The following SAMD9L variants were observed in gnomAD, a reference collection of about 807,000 sequenced individuals.
The protein encoded by SAMD9L is sterile alpha motif domain-containing protein 9-like.
Under a neutral mutation model 90.7 loss-of-function variants are expected in SAMD9L, and 68 were observed. The observed-to-expected ratio is 0.75, with a 90% confidence interval of 0.62 to 0.92. The LOEUF is 0.92. Among genes scored for constraint, SAMD9L ranks in the 40% least tolerant of loss-of-function variants. The pLI is 0.00. For synonymous variants in SAMD9L, 640 were observed against 630.1 expected (o/e 1.02, Z -0.23); for missense variants, 1,604 against 1,824.3 (o/e 0.88, Z 2.20).
rs1442794855 is a variant in SAMD9L, at chr7:93,133,927, G to C, written c.2045C>G (p.Ser682Ter). 6.2e-7 allele frequency: 1 copy of C among 1,613,684 alleles called. No individual in the cohort carries two copies. The highest frequency in any genetic ancestry group is 1.3e-5 in the African/African-American group (1 of 75,002). ...ACCTCGATAAAAGTGTTCTTCTTTT[G>C]ATTTCTTAAACTCCAGGAATTTAGA... ...DKSKFLEFKKSKEEHFYRGGK... is the reference protein window; with the variant it reads ...DKSKFLEFKK Residue 682 changes from serine (S) to a stop codon, truncating the protein, a stop_gained, in exon 5 of 5, where the codon TCA becomes TGA. Transcript: ENST00000318238. LOFTEE classifies it high-confidence loss of function.
chr7:93,133,237 T>C lies in SAMD9L; in HGVS notation c.2735A>G (p.Gln912Arg). ...ENVVRNILKG[Q>R]DVDSKEAQLI... ...TTGTGCTTCCTTGCTGTCAACATCC[T>C]GTCCTTTTAGGATATTCCTGACTAC... The change falls in exon 5 of 5, where the codon CAG (glutamine) becomes CGG (arginine). Residue 912 changes from glutamine (Q) to arginine (R), a missense_variant. Gln to Arg is a conservative substitution (Grantham distance 43). Coordinates refer to ENST00000318238, the MANE Select transcript of SAMD9L (RefSeq NM_152703.5). 1 of 1,613,328 alleles carries C rather than the reference T, an allele frequency of 6.2e-7. No individual in the cohort carries two copies. The highest frequency in any genetic ancestry group is 8.5e-7 in the Non-Finnish European group (1 of 1,179,672).
intron 4 of SAMD9L, 78 bp downstream of exon 4, chr7:93,144,654 A>C (rs892046157): frequency 6.6e-6 from 1 of 152,158 alleles, no homozygotes; most frequent in South Asian, 2.1e-4. Context: ...AGCAGGAAGG[A>C]TCAAACTGGC....
In SAMD9L at chr7:93,135,802, T is replaced by C. The variant is rs759574186; in HGVS notation, c.170A>G (p.Glu57Gly). ...LQELTEKDLV[E>G]MGLPWGPALL... ...TGCTGGACCCCATGGTAGCCCCATTTCTACAAGGTCCTTCTCAGTTAATTC... is the reference window on the plus strand; with the variant it reads ...TGCTGGACCCCATGGTAGCCCCATTCCTACAAGGTCCTTCTCAGTTAATTC... Residue 57 changes from glutamate to glycine, a missense_variant, in exon 5 of 5, where the codon GAA becomes GGA. Glu to Gly is a moderately conservative substitution (Grantham distance 98). Transcript: ENST00000318238. 3.7e-6 allele frequency: 6 copies of C among 1,614,044 alleles called. No individual in the cohort carries two copies. The highest frequency in any genetic ancestry group is 2.5e-6 in the Non-Finnish European group (3 of 1,179,952).
rs1476877766 is a variant in SAMD9L at position 93,133,441 on chromosome 7, T to C, written c.2531A>G (p.Asn844Ser). The change falls in exon 5 of 5, where the codon AAT becomes AGT. Residue 844 changes from asparagine (N) to serine (S), a missense_variant. This residue lies in a region of SAMD9L where 606 missense variants were observed against 717.6 expected (regional missense o/e 0.84). Coordinates refer to ENST00000318238, the MANE Select transcript of SAMD9L (RefSeq NM_152703.5). ...TGCCAATTTTGCACTTTCATCTGGA[T>C]TCCGGGATCTCATGCAGTTTAAGAT... The part of the protein sequence containing the change: ...VIILNCMRSR[N>S]PDESAKLADS... 6.2e-7 allele frequency: 1 copy of C among 1,613,212 alleles called. No individual in the cohort carries two copies.
intron 4 of SAMD9L, among the ~76,000 whole-genome samples, chr7:93,143,629 A>C (rs1410914726): frequency 6.6e-6 from 1 of 152,224 alleles, no homozygotes; most frequent in Admixed American, 6.5e-5. Flanking sequence ...CTGTTACTAC[A>C]TCATGTGTTA....
At position 93,131,747 on chromosome 7, in the gene SAMD9L, G is replaced by GT. The variant is rs759143613; in HGVS notation, c.4224dup (p.Gln1409ThrfsTer49). ...ACAAATTGCAAGACCTCTCGGAGTT[G>GT]TTTTTTTAGCGTGGTAAGTGGTTGA... On this transcript the variant is annotated frameshift_variant, in exon 5 of 5. Coordinates refer to ENST00000318238, the MANE Select transcript of SAMD9L (RefSeq NM_152703.5). LOFTEE classifies it high-confidence loss of function. The GT allele has an allele frequency of 7.4e-6, 12 of 1,613,698 alleles. No homozygotes were observed. The highest frequency in any genetic ancestry group is 2.2e-5 in the East Asian group (1 of 44,892).
At chr7:93,146,740 G>A (rs954710036) in intron 2 of SAMD9L, 143 bp downstream of exon 2, 3 of 152,164 alleles carry the variant, frequency 2.0e-5, no homozygotes, top group African/African-American at 4.8e-5. Context: ...TGTGCTACCC[G>A]TTAGGCCAGA....
Position 93,134,442 on chromosome 7 carries a change from T to C in SAMD9L, c.1530A>G (p.Lys510=). The change falls in exon 5 of 5, where the codon AAA becomes AAG. Residue 510 remains lysine, a synonymous_variant. Coordinates refer to ENST00000318238, the MANE Select transcript of SAMD9L (RefSeq NM_152703.5). Reference sequence around the variant, plus strand: ...TCTGCCATAAATGTGGTTCTAGAGGTTTATATGTCTCGCTTTTCAGGTCTG... The same window carrying C: ...TCTGCCATAAATGTGGTTCTAGAGGCTTATATGTCTCGCTTTTCAGGTCTG... The part of the protein sequence containing the change: ...GRSDLKSETY[K]PLEPHLWQRE... 1 of 1,613,914 alleles carries C rather than the reference T, an allele frequency of 6.2e-7. No individual in the cohort carries two copies. Among genetic ancestry groups the C allele is most frequent in the African/African-American group, 1.3e-5 (1 of 75,008 alleles).
intron 4 of SAMD9L, among the ~76,000 whole-genome samples, chr7:93,138,906 A>G (rs1306020358): frequency 6.6e-6 from 1 of 152,218 alleles, no homozygotes; most frequent in Non-Finnish European, 1.5e-5. Context: ...TATAAAACCA[A>G]TAGTATAAGC....
rs190393069 is a variant in SAMD9L, at chr7:93,131,578, C to T, written c.4394G>A (p.Arg1465His). The change falls in exon 5 of 5, where the codon CGC (arginine) becomes CAC (histidine). Residue 1465 changes from arginine (R) to histidine (H), a missense_variant. This residue lies in a region of SAMD9L where 282 missense variants were observed against 329.6 expected (regional missense o/e 0.86). Coordinates refer to ENST00000318238, the MANE Select transcript of SAMD9L (RefSeq NM_152703.5). Reference protein sequence around the residue: ...LNRSFRGQYKRMCRSKQASTL... With the variant: ...LNRSFRGQYKHMCRSKQASTL... ...GCTTGCCTGCTTGGACCTGCACATG[C>T]GCTTGTACTGTCCCCTGAAGGATCT... 1,093 of 1,613,896 alleles carry T rather than the reference C, an allele frequency of 6.8e-4. 23 individuals are homozygous for T. The South Asian group carries it at 0.011, about 16-fold the overall frequency.
At position 93,131,861 on chromosome 7, in the gene SAMD9L, T is replaced by C; in HGVS notation, c.4111A>G (p.Asn1371Asp). 1 of 1,612,010 alleles carries C rather than the reference T, an allele frequency of 6.2e-7. No individual in the cohort carries two copies. The highest frequency in any genetic ancestry group is 8.5e-7 in the Non-Finnish European group (1 of 1,179,868). Residue 1371 changes from asparagine (N) to aspartate (D), a missense_variant, in exon 5 of 5, where the codon AAC becomes GAC. Coordinates refer to ENST00000318238, the MANE Select transcript of SAMD9L (RefSeq NM_152703.5). ...VNEYAFLLQQ[N>D]SKKPMTNEKQ... ...TCATTTGTCATGGGCTTTTTTGAGT[T>C]TTGCTGCAGTAGGAAGGCATATTCA...
chr7:93,132,060 T>C lies in SAMD9L; in HGVS notation c.3912A>G (p.Thr1304=). 1 of 1,613,746 alleles carries C rather than the reference T, an allele frequency of 6.2e-7. No homozygotes were observed. Among genetic ancestry groups the C allele is most frequent in the Admixed American group, 1.7e-5 (1 of 59,906 alleles). The change falls in exon 5 of 5, where the codon ACA becomes ACG. Residue 1304 remains threonine (T), a synonymous_variant. Transcript: ENST00000318238. ...ATGGATCCAAATGACAGAAAAGTTCTGTGTATTTCCTGAAACAACGACTGA... is the reference window on the plus strand; with the variant it reads ...ATGGATCCAAATGACAGAAAAGTTCCGTGTATTTCCTGAAACAACGACTGA... ...KKVSRCFRKY[T]ELFCHLDPCL... is the part of the protein sequence containing the mutation.
rs1792966439 is a variant in SAMD9L, at chr7:93,148,182, C to G, written c.-1043+12G>C. The G allele has an allele frequency of 6.6e-6, 1 of 152,136 alleles. No homozygotes were observed. Among genetic ancestry groups the G allele is most frequent in the South Asian group, 2.1e-4 (1 of 4,830 alleles). The allele number at this position is 152,136 out of a possible 1,614,324, so 9.4% of individuals were successfully genotyped here. The stretch of plus-strand genomic sequence containing the variant: ...CATAACAAATAAAGGTTTAATGATT[C>G]AGTTTACTTACCAGGATTTTCCTGA... On this transcript the variant is annotated intron_variant, in intron 1 of 4. Coordinates refer to ENST00000318238, the MANE Select transcript of SAMD9L (RefSeq NM_152703.5).
chr7:93,134,012 T>C lies in SAMD9L; in HGVS notation c.1960A>G (p.Thr654Ala). 1 of 1,613,794 alleles carries C rather than the reference T, an allele frequency of 6.2e-7. No individual in the cohort carries two copies. The highest frequency in any genetic ancestry group is 8.5e-7 in the Non-Finnish European group (1 of 1,179,878). The change falls in exon 5 of 5, where the codon ACT becomes GCT. Residue 654 changes from threonine (T) to alanine (A), a missense_variant. Coordinates refer to ENST00000318238, the MANE Select transcript of SAMD9L (RefSeq NM_152703.5). ...TTTTCACAGAGGATTTCCAGTGCAG[T>C]CAAGACATCCTCTTTCTTTTTCTCT... ...ILEKKKEDVL[T>A]ALEILCENEC...
At position 93,134,834 on chromosome 7, in the gene SAMD9L, C is replaced by T; in HGVS notation, c.1138G>A (p.Ala380Thr). ...LKSLVASRKEAEEEYGMKAMK... is the reference protein window; with the variant it reads ...LKSLVASRKETEEEYGMKAMK... ...GCCTTCATTCCATACTCTTCTTCAG[C>T]CTCTTTTCTAGATGCTACCAGTGAC... The change falls in exon 5 of 5, where the codon GCT becomes ACT. Residue 380 changes from alanine to threonine, a missense_variant. Physicochemically the swap from Ala to Thr is moderately conservative, Grantham distance 58. Transcript: ENST00000318238. The T allele has an allele frequency of 6.2e-7, 1 of 1,613,856 alleles. No homozygotes were observed. The highest frequency in any genetic ancestry group is 8.5e-7 in the Non-Finnish European group (1 of 1,179,912).
chr7:93,134,469 T>G lies in SAMD9L; in HGVS notation c.1503A>C (p.Arg501Ser). 6.2e-7 allele frequency: 1 copy of G among 1,614,028 alleles called. No individual in the cohort carries two copies. Among genetic ancestry groups the G allele is most frequent in the Non-Finnish European group, 8.5e-7 (1 of 1,179,910 alleles). ...TATATGTCTCGCTTTTCAGGTCTGA[T>G]CTGCCGTTGCAGAAAATCCAGCTGG... Reference protein sequence around the residue: ...QQPSWIFCNGRSDLKSETYKP... With the variant: ...QQPSWIFCNGSSDLKSETYKP... The change falls in exon 5 of 5, where the codon AGA becomes AGC. Residue 501 changes from arginine to serine, a missense_variant. This residue lies in a region of SAMD9L where 606 missense variants were observed against 717.6 expected (regional missense o/e 0.84). Transcript: ENST00000318238.
Position 93,135,557 on chromosome 7 carries a change from C to G in SAMD9L, c.415G>C (p.Glu139Gln). Residue 139 changes from glutamate to glutamine, a missense_variant, in exon 5 of 5, where the codon GAA becomes CAA. Coordinates refer to ENST00000318238, the MANE Select transcript of SAMD9L (RefSeq NM_152703.5). ...IKQEESILMK[E>Q]NVLDEVANAK... ...TTTGCTACTTCATCTAACACATTTT[C>G]TTTCATAAGAATTGATTCTTCTTGT... 6.2e-7 allele frequency: 1 copy of G among 1,613,930 alleles called. No individual in the cohort carries two copies. Among genetic ancestry groups the G allele is most frequent in the South Asian group, 1.1e-5 (1 of 91,074 alleles).
chr7:93,143,264 C>A (rs1487128258), intron 4 of SAMD9L, among the ~76,000 whole-genome samples: 3 of 152,066 alleles, frequency 2.0e-5, no homozygotes, highest in Non-Finnish European at 4.4e-5. Flanking sequence ...GATAAAGACT[C>A]CACACCCTGA....
At chr7:93,141,502 T>C (rs932868555) in intron 4 of SAMD9L, among the ~76,000 whole-genome samples, 5 of 152,234 alleles carry the variant, frequency 3.3e-5, no homozygotes, top group Admixed American at 1.3e-4. Flanking sequence ...ACTCCAAACT[T>C]GCTCCTCCTA....
Sources: gnomAD v4.1 joint callset for allele counts (sites outside exome capture counted in the v4.1 genomes callset) on GRCh38, gnomAD v4.1.1 for gene constraint, gnomAD v4.1.1 regional missense constraint, MANE v1.5 for transcripts, NCBI Gene and HGNC (gene_info 2026-07-23, HGNC 2026-07-21) for gene names.